The following ST8SIA6 variants were observed in gnomAD, a reference collection of about 807,000 sequenced individuals.
ST8SIA6 encodes the protein alpha-2,8-sialyltransferase 8F.
A neutral mutation model predicts 33.6 loss-of-function variants in ST8SIA6; 39 were observed. That is an observed-to-expected ratio of 1.16 (90% CI 0.90 to 1.52). ST8SIA6 has a LOEUF of 1.52. ST8SIA6 is among the 40% of genes most tolerant of loss of function. The probability of loss-of-function intolerance (pLI) is 0.00; values close to 1 mark genes in which losing one functional copy is unlikely to be tolerated. For missense variants in ST8SIA6, 441 were observed against 443.8 expected, an observed-to-expected ratio of 0.99 and a Z score of 0.06; for synonymous variants, 172 against 167.2, an observed-to-expected ratio of 1.03 and a Z score of -0.22.
intron 2 of ST8SIA6, among the ~76,000 whole-genome samples, chr10:17,434,274 A>G (rs554939351): frequency 3.9e-5 from 6 of 152,262 alleles, no homozygotes; most frequent in South Asian, 2.1e-4. Flanking sequence ...AGATTCAACA[A>G]TTGACGTGCT....
In ST8SIA6 at chr10:17,320,789, A is replaced by G; in HGVS notation, c.*89T>C. ...CAAATTTTGGGGCTCATCTCAAAAT[A>G]CTCTTTAGCCACCTCCTTTGGTGTT... On this transcript the variant is annotated 3_prime_UTR_variant, in exon 8 of 8. Coordinates refer to ENST00000377602, the MANE Select transcript of ST8SIA6 (RefSeq NM_001004470.3). 2 of 1,412,978 alleles carry G rather than the reference A, an allele frequency of 1.4e-6. No homozygotes were observed. The highest frequency in any genetic ancestry group is 1.9e-6 in the Non-Finnish European group (2 of 1,031,628). The allele number at this position is 1,412,978 out of a possible 1,614,324, so 87.5% of individuals were successfully genotyped here.
At chr10:17,401,135 A>C (rs1231322579) in intron 2 of ST8SIA6, among the ~76,000 whole-genome samples, 2 of 152,240 alleles carry the variant, frequency 1.3e-5, no homozygotes, top group Admixed American at 6.5e-5. Context: ...ATACACCAAT[A>C]ACAGACAAAC....
At chr10:17,446,034 C>T (rs1242194699) in intron 2 of ST8SIA6, among the ~76,000 whole-genome samples, 1 of 145,704 alleles carries the variant, frequency 6.9e-6, no homozygotes, top group Non-Finnish European at 1.5e-5. Context: ...TATTTTATCA[C>T]AATTAAAAAA....
intron 2 of ST8SIA6, among the ~76,000 whole-genome samples, chr10:17,432,164 G>T (rs1852121430): frequency 6.6e-6 from 1 of 152,350 alleles, no homozygotes; most frequent in Admixed American, 6.5e-5. Context: ...CTGGAACACA[G>T]TGAGCAAGTA....
intron 6 of ST8SIA6, 32 bp from the exon 7 acceptor site, chr10:17,323,189 T>C (rs1848012571): frequency 6.3e-7 from 1 of 1,575,338 alleles, no homozygotes; most frequent in Non-Finnish European, 8.7e-7. Context: ...ATTTTCAAAA[T>C]AGAACTTGTA....
At chr10:17,440,428 A>C (rs949856217) in intron 2 of ST8SIA6, among the ~76,000 whole-genome samples, 1 of 151,808 alleles carries the variant, frequency 6.6e-6, no homozygotes, top group African/African-American at 2.4e-5. Context: ...ATGGTCTCGA[A>C]CTCCTGACCT....
At chr10:17,386,409 C>T (rs1188355172) in intron 3 of ST8SIA6, among the ~76,000 whole-genome samples, 2 of 152,106 alleles carry the variant, frequency 1.3e-5, no homozygotes, top group Non-Finnish European at 2.9e-5. Context: ...CGTGGTGGCA[C>T]GCGCCTGTAG....
chr10:17,408,421 T>C (rs909393995), intron 2 of ST8SIA6: 2 of 152,070 alleles, frequency 1.3e-5, no homozygotes, highest in Non-Finnish European at 2.9e-5. Context: ...TCTCAGCAGT[T>C]TGGGAGGCCG....
At chr10:17,376,097 A>C (rs1849908855) in intron 3 of ST8SIA6, among the ~76,000 whole-genome samples, 1 of 152,028 alleles carries the variant, frequency 6.6e-6, no homozygotes, top group South Asian at 2.1e-4. Context: ...ATTAGTCAAA[A>C]CCCCCAACAT....
At chr10:17,358,164 A>C (rs1849258246) in intron 4 of ST8SIA6, among the ~76,000 whole-genome samples, 1 of 152,196 alleles carries the variant, frequency 6.6e-6, no homozygotes, top group South Asian at 2.1e-4. Flanking sequence ...GTGTCTACCC[A>C]GTGGAGGGAA....
At chr10:17,394,151 T>G (rs968822443) in intron 2 of ST8SIA6, among the ~76,000 whole-genome samples, 3 of 152,064 alleles carry the variant, frequency 2.0e-5, no homozygotes, top group Non-Finnish European at 4.4e-5. Flanking sequence ...GGTATCTTTT[T>G]AAATAAAAAC....
intron 2 of ST8SIA6, among the ~76,000 whole-genome samples, chr10:17,415,961 C>T (rs1336787551): frequency 2.0e-5 from 3 of 151,886 alleles, no homozygotes; most frequent in African/African-American, 4.8e-5. Context: ...AGGTGCGCCA[C>T]CGTGCTCAGC....
At chr10:17,348,747 G>A (rs1218548143) in intron 4 of ST8SIA6, among the ~76,000 whole-genome samples, 1 of 152,126 alleles carries the variant, frequency 6.6e-6, no homozygotes, top group Non-Finnish European at 1.5e-5. Flanking sequence ...TTTTTGCCTG[G>A]CCTCTGGGAA....
intron 2 of ST8SIA6, among the ~76,000 whole-genome samples, chr10:17,392,052 G>A (rs1207508010): frequency 1.3e-5 from 2 of 152,128 alleles, no homozygotes; most frequent in East Asian, 1.9e-4. Flanking sequence ...GAAGGTATTC[G>A]TTGATAGCCT....
chr10:17,407,084 G>T (rs753695530), intron 2 of ST8SIA6, among the ~76,000 whole-genome samples: 1 of 152,004 alleles, frequency 6.6e-6, no homozygotes, highest in African/African-American at 2.4e-5. Context: ...GAACCACCAC[G>T]TCCGGCTACT....
At chr10:17,368,407 C>CAAAA (rs200826980) in intron 3 of ST8SIA6, among the ~76,000 whole-genome samples, 54 of 72,138 alleles carry the variant, frequency 7.5e-4, no homozygotes, top group African/African-American at 1.9e-3. Flanking sequence ...AGCTCTGTCT[C>CAAAA]AAAAAAAAAA....
At chr10:17,365,479 A>G (rs915319057) in intron 3 of ST8SIA6, among the ~76,000 whole-genome samples, 4 of 152,180 alleles carry the variant, frequency 2.6e-5, no homozygotes, top group Non-Finnish European at 5.9e-5. Flanking sequence ...TAAACAATTC[A>G]TAAGTTTAAA....
At chr10:17,348,973 T>G (rs1848943850) in intron 4 of ST8SIA6, among the ~76,000 whole-genome samples, 1 of 152,162 alleles carries the variant, frequency 6.6e-6, no homozygotes, top group Admixed American at 6.5e-5. Context: ...TTCAGGGAAT[T>G]CAGAGCGATT....
At position 17,383,881 on chromosome 10, in the gene ST8SIA6, A is replaced by T. The variant is rs190637340; in HGVS notation, c.290+6650T>A. Among the ~76,000 whole-genome samples, 329 of 152,336 alleles carry T rather than the reference A, an allele frequency of 2.2e-3. 2 individuals carry two copies. The highest frequency in any genetic ancestry group is 0.014 in the Middle Eastern group (4 of 294). ...AAAACATTTCTTTTGAGCTACTGAC[A>T]GCTTGTAACAATTTAGTATACTCCC... On this transcript the variant is annotated intron_variant, in intron 3 of 7. Transcript: ENST00000377602.
Sources: gnomAD v4.1 joint callset for allele counts (sites outside exome capture counted in the v4.1 genomes callset) on GRCh38, gnomAD v4.1.1 for gene constraint, MANE v1.5 for transcripts, NCBI Gene and HGNC (gene_info 2026-07-23, HGNC 2026-07-21) for gene names.